Variants in TNIP3 observed in about 807,000 individuals in gnomAD.
The protein encoded by TNIP3 is TNFAIP3-interacting protein 3.
TNIP3 carries 34 observed loss-of-function variants against 54.1 expected under a neutral mutation model. The ratio of observed to expected loss-of-function variants is 0.63; its 90% CI spans 0.48 to 0.84. The LOEUF (loss-of-function observed/expected upper bound fraction) is 0.84. Ranked by LOEUF, TNIP3 falls within the 40% of genes least tolerant of loss-of-function variation. The probability of loss-of-function intolerance (pLI) is 0.00; values close to 1 mark genes in which losing one functional copy is unlikely to be tolerated. For missense variants in TNIP3, 366 were observed against 387.6 expected (o/e 0.94, Z 0.47); for synonymous variants, 134 against 136.8 (o/e 0.98, Z 0.14).
intron 1 of TNIP3, among the ~76,000 whole-genome samples, chr4:121,226,916 A>G (rs185824137): frequency 7.2e-6 from 1 of 139,770 alleles, no homozygotes. Flanking sequence ...CTGCAGAGGA[A>G]CACACTAAAT....
At chr4:121,201,498 A>G (rs974464599) in intron 2 of TNIP3, among the ~76,000 whole-genome samples, 8 of 152,242 alleles carry the variant, frequency 5.3e-5, no homozygotes, top group African/African-American at 1.9e-4. Flanking sequence ...ATGGTTCTAC[A>G]GCATGAGTAT....
At chr4:121,137,884 C>T (rs1201460654) in intron 10 of TNIP3, 1 of 452,104 alleles carries the variant, frequency 2.2e-6, no homozygotes, top group East Asian at 7.0e-5. Context: ...ATGTAGCAGA[C>T]ATTTCTAACT....
At chr4:121,190,722 C>A (rs752781462) in intron 2 of TNIP3, among the ~76,000 whole-genome samples, 1 of 152,074 alleles carries the variant, frequency 6.6e-6, no homozygotes, top group African/African-American at 2.4e-5. Flanking sequence ...GGCCAATACT[C>A]GAAATAAATA....
At chr4:121,133,030 A>G (rs918925983) in intron 10 of TNIP3, among the ~76,000 whole-genome samples, 16 of 152,210 alleles carry the variant, frequency 1.1e-4, no homozygotes, top group Non-Finnish European at 2.1e-4. Flanking sequence ...AAACTTGCCA[A>G]ATATGATCTT....
At chr4:121,221,563 G>A (rs1019305920), upstream of TNIP3, among the ~76,000 whole-genome samples, 2 of 152,142 alleles carry the variant, frequency 1.3e-5, no homozygotes, top group African/African-American at 4.8e-5. Flanking sequence ...ATTTCCTCTA[G>A]CAAATAAGAT....
At position 121,141,827 on chromosome 4, in the gene TNIP3, G is replaced by A. The variant is rs376189789; in HGVS notation, c.874C>T (p.Arg292Trp). ...GCACTCTTACTTACTGGGTGCTCCC[G>A]TTGCTTCTGCACAGCTCCAGGGCCT... is the stretch of plus-strand genomic sequence containing the variant. ...PTGPGAVQKQ[R>W]EHPPDYQWYA... The change falls in exon 9 of 11, where the codon CGG becomes TGG. Residue 292 changes from arginine (R) to tryptophan (W), a missense_variant. Arg to Trp is a moderately radical substitution (Grantham distance 101, BLOSUM62 -3). Coordinates refer to ENST00000057513, the MANE Select transcript of TNIP3 (RefSeq NM_024873.6). 7.8e-5 allele frequency: 121 copies of A among 1,542,616 alleles called. No individual in the cohort carries two copies. The highest frequency in any genetic ancestry group is 7.4e-4 in the Admixed American group (37 of 50,262).
At chr4:121,198,493 A>T (rs1010257995) in intron 2 of TNIP3, among the ~76,000 whole-genome samples, 3 of 152,198 alleles carry the variant, frequency 2.0e-5, no homozygotes, top group African/African-American at 7.2e-5. Context: ...ACAACTGAGC[A>T]CCTATTATGG....
At chr4:121,212,293 G>T (rs1368661490) in intron 2 of TNIP3, among the ~76,000 whole-genome samples, 1 of 152,084 alleles carries the variant, frequency 6.6e-6, no homozygotes, top group South Asian at 2.1e-4. Context: ...ACAGAGCCTG[G>T]TTCAAAGCAC....
At chr4:121,157,692 A>G (rs1299901587) in intron 3 of TNIP3, among the ~76,000 whole-genome samples, 1 of 152,186 alleles carries the variant, frequency 6.6e-6, no homozygotes, top group Non-Finnish European at 1.5e-5. Context: ...TTGACCTCCT[A>G]CTAGGTGCCA....
At chr4:121,144,749 A>G (rs1260060236) in intron 7 of TNIP3, among the ~76,000 whole-genome samples, 1 of 152,164 alleles carries the variant, frequency 6.6e-6, no homozygotes, top group Non-Finnish European at 1.5e-5. Context: ...AGGAAGTCAC[A>G]AGGTAGGTTT....
At chr4:121,147,238 T>C (rs780262876) in intron 6 of TNIP3, 64 bp from the exon 7 acceptor site, 31 of 1,552,678 alleles carry the variant, frequency 2.0e-5, no homozygotes, top group Non-Finnish European at 2.7e-5. Flanking sequence ...TAAATGACTT[T>C]ATTTTAAATG....
chr4:121,222,159 C>A (rs562677050), intron 1 of TNIP3, among the ~76,000 whole-genome samples: 1 of 152,286 alleles, frequency 6.6e-6, no homozygotes, highest in East Asian at 1.9e-4. Flanking sequence ...GCTCTTGATG[C>A]ATCTTAGAGG....
upstream of TNIP3, among the ~76,000 whole-genome samples, chr4:121,165,811 G>A (rs1730734264): frequency 6.6e-6 from 1 of 152,042 alleles, no homozygotes; most frequent in Non-Finnish European, 1.5e-5. Flanking sequence ...TCAGGGTTCT[G>A]AAAGTAAAAA....
intron 2 of TNIP3, among the ~76,000 whole-genome samples, chr4:121,202,969 C>G (rs547397188): frequency 3.9e-5 from 6 of 152,110 alleles, no homozygotes; most frequent in African/African-American, 4.8e-5. Flanking sequence ...CACTTTTACA[C>G]TGCTGTTGGG....
At chr4:121,227,254 G>A (rs558910971) in intron 1 of TNIP3, 1 of 692,494 alleles carries the variant, frequency 1.4e-6, no homozygotes, top group South Asian at 2.1e-5. Context: ...TAATATTACT[G>A]AGTTCCTGAT....
At chr4:121,202,235 A>C (rs758110548) in intron 2 of TNIP3, among the ~76,000 whole-genome samples, 1 of 152,200 alleles carries the variant, frequency 6.6e-6, no homozygotes, top group Non-Finnish European at 1.5e-5. Flanking sequence ...AAGGGAACAG[A>C]ATAGAGAACC....
chr4:121,155,765 T>C (rs1032025619), intron 4 of TNIP3, among the ~76,000 whole-genome samples: 3 of 152,184 alleles, frequency 2.0e-5, no homozygotes, highest in Non-Finnish European at 4.4e-5. Context: ...AGAAAATAGG[T>C]AACTTGACAT....
Position 121,141,796 on chromosome 4 carries a change from T to C in TNIP3, c.885+20A>G, listed in dbSNP as rs1406509589. ...CCAAAACAGTATACTAAGCACTTTT[T>C]CAAATGCACTCTTACTTACTGGGTG... On this transcript the variant is annotated intron_variant, in intron 9 of 10. Coordinates refer to ENST00000057513, the MANE Select transcript of TNIP3 (RefSeq NM_024873.6). 2 of 1,481,604 alleles carry C rather than the reference T, an allele frequency of 1.3e-6. No homozygotes were observed. The highest frequency in any genetic ancestry group is 1.8e-6 in the Non-Finnish European group (2 of 1,105,272). 91.8% of individuals were successfully genotyped at this position (1,481,604 alleles called of 1,614,324 possible). A position where few individuals can be genotyped will look rare whatever the true frequency, so the allele number is the denominator to read the frequency against.
chr4:121,138,671 C>T lies in TNIP3; in HGVS notation c.899G>A (p.Trp300Ter). 1 of 1,613,888 alleles carries T rather than the reference C, an allele frequency of 6.2e-7. No individual in the cohort carries two copies. The highest frequency in any genetic ancestry group is 8.5e-7 in the Non-Finnish European group (1 of 1,179,810). ...KQREHPPDYQ[W>*]YALDQLPPDV... ...TGGCGGAAGCTGGTCAAGAGCATAC[C>T]ACTGATAGTCTGGCTGTGTGGAACA... is the stretch of plus-strand genomic sequence containing the variant. The change falls in exon 10 of 11, where the codon TGG (tryptophan) becomes TAG (stop). Residue 300 changes from tryptophan (W) to a stop codon, truncating the protein, a stop_gained. Coordinates refer to ENST00000057513, the MANE Select transcript of TNIP3 (RefSeq NM_024873.6). LOFTEE classifies it high-confidence loss of function.
Sources: allele counts gnomAD v4.1 joint callset (sites outside exome capture counted in the v4.1 genomes callset), GRCh38; gene constraint gnomAD v4.1.1; transcripts MANE v1.5; gene names NCBI Gene and HGNC (gene_info 2026-07-23, HGNC 2026-07-21).